SCMH1: variants seen among roughly 807,000 people sequenced by gnomAD.
The protein encoded by SCMH1 is polycomb protein SCMH1.
A neutral mutation model predicts 70.8 loss-of-function variants in SCMH1; 37 were observed. The ratio of observed to expected loss-of-function variants is 0.52; its 90% confidence interval spans 0.40 to 0.69. SCMH1 has a LOEUF of 0.69. Among genes scored for constraint, SCMH1 ranks in the 30% least tolerant of loss-of-function variants. The pLI, the probability that SCMH1 is intolerant of heterozygous loss-of-function variation, is 0.00. For missense variants in SCMH1, 607 were observed against 827.3 expected (o/e 0.73, Z 3.27); for synonymous variants, 292 against 307.4 (o/e 0.95, Z 0.52).
At chr1:41,146,748 A>G (rs1162122749) in intron 5 of SCMH1, among the ~76,000 whole-genome samples, 1 of 152,144 alleles carries the variant, frequency 6.6e-6, no homozygotes. Context: ...CGACGATGAA[A>G]TTGCTTAACA....
At chr1:41,147,264 C>A (rs1644670808) in intron 5 of SCMH1, among the ~76,000 whole-genome samples, 1 of 152,080 alleles carries the variant, frequency 6.6e-6, no homozygotes, top group Non-Finnish European at 1.5e-5. Flanking sequence ...TTTTCTGGCC[C>A]ATTTGCATTG....
chr1:41,205,881 C>T (rs574629711), intron 1 of SCMH1, among the ~76,000 whole-genome samples: 6 of 152,274 alleles, frequency 3.9e-5, no homozygotes, highest in East Asian at 3.9e-4. Context: ...CTGCAGCCTC[C>T]GCTGGTGATA....
At position 41,089,554 on chromosome 1, in the gene SCMH1, C is replaced by A. The variant is rs1662719208; in HGVS notation, c.746-14103G>T. On this transcript the variant is annotated intron_variant, in intron 8 of 14. Transcript: ENST00000337495. ...ACAATAAGCCTTTTGAATGGTTTGT[C>A]TCTGCTCCTCTACTCTAATTTGAAC... Among the ~76,000 whole-genome samples, 3 of 152,138 alleles carry A rather than the reference C, an allele frequency of 2.0e-5. No homozygotes were observed. The South Asian group carries it at 6.2e-4, about 31-fold the overall frequency.
intron 6 of SCMH1, among the ~76,000 whole-genome samples, chr1:41,124,120 T>C (rs868467250): frequency 6.6e-6 from 1 of 152,148 alleles, no homozygotes; most frequent in Non-Finnish European, 1.5e-5. Context: ...AACTATATAA[T>C]GAACAATTAT....
chr1:41,127,369 T>A (rs1425541407), intron 6 of SCMH1, among the ~76,000 whole-genome samples: 1 of 152,162 alleles, frequency 6.6e-6, no homozygotes, highest in Non-Finnish European at 1.5e-5. Context: ...AATTTGTCGG[T>A]CTATCTAGAT....
intron 7 of SCMH1, among the ~76,000 whole-genome samples, chr1:41,116,114 G>C (rs1670409725): frequency 6.6e-6 from 1 of 152,038 alleles, no homozygotes; most frequent in African/African-American, 2.4e-5. Flanking sequence ...CATTCTACTT[G>C]GAGTCTTTTG....
intron 8 of SCMH1, among the ~76,000 whole-genome samples, chr1:41,097,272 T>C (rs926506630): frequency 7.2e-5 from 11 of 152,202 alleles, no homozygotes; most frequent in African/African-American, 2.7e-4. Flanking sequence ...ATCTAGCATA[T>C]TCTGCTAATG....
chr1:41,099,266 A>C (rs1164856091), intron 8 of SCMH1: 1 of 152,670 alleles, frequency 6.6e-6, no homozygotes, highest in Non-Finnish European at 1.5e-5. Context: ...GCTTTGAAGG[A>C]TCTCTCTTCC....
At chr1:41,034,627 G>A (rs185860994) in intron 13 of SCMH1, among the ~76,000 whole-genome samples, 5 of 152,066 alleles carry the variant, frequency 3.3e-5, no homozygotes, top group Admixed American at 2.0e-4. Flanking sequence ...GTGCCCGGCC[G>A]AGGTGACTTT....
At chr1:41,192,170 T>C (rs565731091) in intron 1 of SCMH1, among the ~76,000 whole-genome samples, 5 of 152,310 alleles carry the variant, frequency 3.3e-5, no homozygotes, top group Admixed American at 3.3e-4. Context: ...ACTCTTCTAA[T>C]TGGAAACCCT....
intron 8 of SCMH1, among the ~76,000 whole-genome samples, chr1:41,110,038 C>T (rs181502596): frequency 5.3e-5 from 8 of 152,302 alleles, no homozygotes; most frequent in Admixed American, 2.6e-4. Flanking sequence ...CAAGGTACCT[C>T]GCTTCTTGCT....
rs552717542 is a variant in SCMH1 at position 41,031,879 on chromosome 1, T to C, written c.1679-3153A>G. Among the ~76,000 whole-genome samples the C allele has an allele frequency of 3.9e-5, 6 of 152,304 alleles. No individual in the cohort carries two copies. The East Asian group carries it at 1.2e-3, about 29-fold the overall frequency. ...ATATAAATACACACATGCTACTGAC[T>C]GAATATGTATCCCCTCAACATTCCC... On this transcript the variant is annotated intron_variant, in intron 13 of 14. Transcript: ENST00000337495.
At chr1:41,091,424 A>G (rs551556703) in intron 8 of SCMH1, among the ~76,000 whole-genome samples, 5 of 152,368 alleles carry the variant, frequency 3.3e-5, no homozygotes, top group African/African-American at 9.6e-5. Flanking sequence ...CCCACAGCCA[A>G]TATCATACTG....
chr1:41,172,311 A>G (rs965019364), intron 2 of SCMH1, among the ~76,000 whole-genome samples: 1 of 152,102 alleles, frequency 6.6e-6, no homozygotes, highest in African/African-American at 2.4e-5. Flanking sequence ...ACTAGTAAAA[A>G]AGAAATCAAG....
At chr1:41,137,009 G>C (rs937166378) in intron 6 of SCMH1, among the ~76,000 whole-genome samples, 1 of 151,994 alleles carries the variant, frequency 6.6e-6, no homozygotes, top group Non-Finnish European at 1.5e-5. Context: ...TGAACTCCTA[G>C]CCTCAAAGTG....
chr1:41,048,925 G>A (rs1404543267), intron 10 of SCMH1, 35 bp from the exon 11 acceptor site: 1 of 1,578,718 alleles, frequency 6.3e-7, no homozygotes, highest in Non-Finnish European at 8.6e-7. Flanking sequence ...AGCTTCAAGA[G>A]TCTCTGGGAT....
intron 1 of SCMH1, among the ~76,000 whole-genome samples, chr1:41,198,214 A>C (rs1337485048): frequency 6.6e-6 from 1 of 152,200 alleles, no homozygotes; most frequent in East Asian, 1.9e-4. Context: ...GTCACAGTCC[A>C]TTCTTTGTCT....
At chr1:41,107,765 G>C (rs537184551) in intron 8 of SCMH1, among the ~76,000 whole-genome samples, 7 of 152,090 alleles carry the variant, frequency 4.6e-5, no homozygotes, top group African/African-American at 1.7e-4. Flanking sequence ...TGATCTGCCT[G>C]CCTCGGCCTC....
At chr1:41,183,155 G>A (rs762506772) in intron 2 of SCMH1, among the ~76,000 whole-genome samples, 8 of 152,038 alleles carry the variant, frequency 5.3e-5, no homozygotes, top group African/African-American at 1.7e-4. Flanking sequence ...ATCCAATTCC[G>A]TCAGTTGTAT....
Sources: allele counts gnomAD v4.1 joint callset (sites outside exome capture counted in the v4.1 genomes callset), GRCh38; gene constraint gnomAD v4.1.1; transcripts MANE v1.5; gene names NCBI Gene and HGNC (gene_info 2026-07-23, HGNC 2026-07-21).